The following FRS2 variants were observed in gnomAD, a reference collection of about 807,000 sequenced individuals.
The protein encoded by FRS2 is fibroblast growth factor receptor substrate 2, also known as FGFR signalling adaptor.
FRS2 carries 8 observed loss-of-function variants against 43.9 expected under a neutral mutation model. That is an observed-to-expected ratio of 0.18 (90% CI 0.11 to 0.33). FRS2 has a LOEUF of 0.33. Ranked by LOEUF, FRS2 falls within the 10% of genes least tolerant of loss-of-function variation. The pLI is 1.00. For synonymous variants in FRS2, 219 were observed against 220.3 expected (o/e 0.99, Z 0.05); for missense variants, 534 against 627.6 (o/e 0.85, Z 1.59).
At chr12:69,561,386 A>T (rs988471007) in intron 3 of FRS2, among the ~76,000 whole-genome samples, 31 of 152,210 alleles carry the variant, frequency 2.0e-4, no homozygotes, top group Non-Finnish European at 3.5e-4. Context: ...CATTTTGGCT[A>T]TCAATCATAT....
intron 1 of FRS2, among the ~76,000 whole-genome samples, chr12:69,498,935 A>G (rs1268312501): frequency 6.6e-6 from 1 of 152,182 alleles, no homozygotes; most frequent in African/African-American, 2.4e-5. Context: ...GATGTTTATA[A>G]CAACTTTATG....
intron 1 of FRS2, among the ~76,000 whole-genome samples, chr12:69,475,756 A>C (rs937326801): frequency 6.6e-6 from 1 of 152,102 alleles, no homozygotes; most frequent in South Asian, 2.1e-4. Flanking sequence ...TCCTTTTCTC[A>C]GTGGGAGCTA....
rs143153174 is a variant in FRS2 at position 69,473,476 on chromosome 12, T to G, written c.-261+2946T>G. ...GAAGTGTGGAGGTGGGAAAGTTCAT[T>G]GTGTACTTGGAGAAAAGTTAGTGGA... On this transcript the variant is annotated intron_variant, in intron 1 of 8. Transcript: ENST00000549921. 9.2e-3 allele frequency among the ~76,000 whole-genome samples: 1,408 copies of G among 152,252 alleles called. 25 individuals are homozygous for G. The highest frequency in any genetic ancestry group is 0.031 in the African/African-American group (1,297 of 41,560).
Position 69,578,861 on chromosome 12 carries a change from A to G in FRS2, c.*3906A>G, listed in dbSNP as rs1237520524. The G allele has an allele frequency of 6.6e-6, 1 of 152,604 alleles. No homozygotes were observed. The highest frequency in any genetic ancestry group is 1.5e-5 in the Non-Finnish European group (1 of 68,026). 9.5% of individuals were successfully genotyped at this position (152,604 alleles called of 1,614,324 possible). On this transcript the variant is annotated 3_prime_UTR_variant, in exon 9 of 9. Transcript: ENST00000549921. ...CCAACAGTGGGACTACCATTGCCAA[A>G]TTGTATATGAAATATGAATTTTACC...
intron 4 of FRS2, among the ~76,000 whole-genome samples, chr12:69,568,263 C>T (rs540237993): frequency 2.3e-4 from 35 of 152,282 alleles, no homozygotes; most frequent in Non-Finnish European, 2.4e-4. Context: ...CTTACCAATG[C>T]GCTATTCGAA....
At chr12:69,516,269 C>T (rs908419147) in intron 1 of FRS2, among the ~76,000 whole-genome samples, 7 of 150,226 alleles carry the variant, frequency 4.7e-5, no homozygotes, top group African/African-American at 1.7e-4. Flanking sequence ...CCCAGGCTGG[C>T]GTGCAATGGC....
chr12:69,477,892 C>G (rs1015581916), intron 1 of FRS2, among the ~76,000 whole-genome samples: 1 of 151,558 alleles, frequency 6.6e-6, no homozygotes, highest in Non-Finnish European at 1.5e-5. Context: ...AGGCGCCCAC[C>G]ACCACGCCCG....
In FRS2 at chr12:69,571,349, T is replaced by C. The variant is rs376932034; in HGVS notation, c.327T>C (p.Ser109=). The change falls in exon 7 of 9, where the codon AGT becomes AGC. Residue 109 remains serine (S), a synonymous_variant. Coordinates refer to ENST00000549921, the MANE Select transcript of FRS2 (RefSeq NM_001278356.2). ...NMLQEIMQNN[S]INVVEEPVVE... is the part of the protein sequence containing the mutation. ...TGCAAGAGATTATGCAAAATAATAG[T>C]ATAAATGTGGTGGAAGAGCCAGTTG... 1.9e-6 allele frequency: 3 copies of C among 1,609,394 alleles called. No homozygotes were observed. Among genetic ancestry groups the C allele is most frequent in the South Asian group, 1.1e-5 (1 of 90,974 alleles).
chr12:69,544,231 C>T (rs1403998796), intron 3 of FRS2, among the ~76,000 whole-genome samples: 2 of 151,798 alleles, frequency 1.3e-5, no homozygotes, highest in East Asian at 3.9e-4. Context: ...GGATTATATA[C>T]TATGATCAAG....
rs191651533 is a variant in FRS2 at position 69,495,809 on chromosome 12, T to G, written c.-261+25279T>G. Among the ~76,000 whole-genome samples, 540 of 152,210 alleles carry G rather than the reference T, an allele frequency of 3.5e-3. 3 individuals are homozygous for G. Among genetic ancestry groups the G allele is most frequent in the African/African-American group, 0.012 (519 of 41,536 alleles). ...CGTAGCTACTTGGGTGGTGCACACC[T>G]GTAGTCGTAGCTACTTGGGAGGCTC... On this transcript the variant is annotated intron_variant, in intron 1 of 8. Transcript: ENST00000549921.
At chr12:69,489,778 C>A (rs1872296470) in intron 1 of FRS2, among the ~76,000 whole-genome samples, 1 of 149,562 alleles carries the variant, frequency 6.7e-6, no homozygotes, top group South Asian at 2.1e-4. Context: ...TTTTTTATAT[C>A]CTGTTTTCTT....
intron 1 of FRS2, among the ~76,000 whole-genome samples, chr12:69,481,097 C>A (rs1871311513): frequency 1.3e-5 from 2 of 151,914 alleles, no homozygotes; most frequent in South Asian, 4.2e-4. Flanking sequence ...CTCTGTATAC[C>A]CTTTATCCAT....
At chr12:69,507,294 G>A (rs1874030065) in intron 1 of FRS2, among the ~76,000 whole-genome samples, 1 of 152,152 alleles carries the variant, frequency 6.6e-6, no homozygotes, top group African/African-American at 2.4e-5. Flanking sequence ...TAGGCACTCA[G>A]TGATAAATAC....
chr12:69,502,949 A>G (rs932030641), intron 1 of FRS2, among the ~76,000 whole-genome samples: 1 of 152,226 alleles, frequency 6.6e-6, no homozygotes, highest in Admixed American at 6.5e-5. Flanking sequence ...ATTTTGCTAC[A>G]TAACAAATTA....
intron 1 of FRS2, among the ~76,000 whole-genome samples, chr12:69,524,238 G>A (rs1431619367): frequency 6.6e-6 from 1 of 152,086 alleles, no homozygotes; most frequent in Non-Finnish European, 1.5e-5. Context: ...GGGGGATAGG[G>A]GACGGGGGTG....
At chr12:69,485,092 C>T (rs1226870228) in intron 1 of FRS2, among the ~76,000 whole-genome samples, 3 of 129,570 alleles carry the variant, frequency 2.3e-5, no homozygotes, top group Non-Finnish European at 4.6e-5. Context: ...AACACACACA[C>T]ACACACACAC....
intron 1 of FRS2, among the ~76,000 whole-genome samples, chr12:69,484,224 A>G (rs1178054766): frequency 1.3e-5 from 2 of 151,876 alleles, no homozygotes; most frequent in African/African-American, 2.4e-5. Context: ...AGCTGGGACT[A>G]CAGGCGCCCA....
intron 1 of FRS2, among the ~76,000 whole-genome samples, chr12:69,507,978 C>T (rs555790515): frequency 1.4e-4 from 19 of 135,498 alleles, no homozygotes; most frequent in African/African-American, 4.5e-4. Flanking sequence ...GAGCCGAGAT[C>T]GCGCCATTGC....
intron 1 of FRS2, among the ~76,000 whole-genome samples, chr12:69,485,722 C>T (rs1871875663): frequency 6.6e-6 from 1 of 152,142 alleles, no homozygotes; most frequent in Non-Finnish European, 1.5e-5. Context: ...CCCACCTTGG[C>T]CTCCCAAAGT....
Sources: allele counts gnomAD v4.1 joint callset (sites outside exome capture counted in the v4.1 genomes callset), GRCh38; gene constraint gnomAD v4.1.1; transcripts MANE v1.5; gene names NCBI Gene and HGNC (gene_info 2026-07-23, HGNC 2026-07-21).